Variants in ANO9 observed in about 807,000 individuals in gnomAD.
ANO9 encodes the protein anoctamin 9, also known as anoctamin-9.
ANO9 carries 80 observed loss-of-function variants against 100.5 expected under a neutral mutation model. The observed-to-expected ratio is 0.80, with a 90% confidence interval of 0.66 to 0.96. The LOEUF (loss-of-function observed/expected upper bound fraction) is 0.96, where lower values mean the gene tolerates loss of function less well. Among genes scored for constraint, ANO9 ranks in the 40% least tolerant of loss-of-function variants. The probability of loss-of-function intolerance (pLI) is 0.00; values close to 1 mark genes in which losing one functional copy is unlikely to be tolerated. For missense variants in ANO9, 1,064 were observed against 1,072.7 expected, an observed-to-expected ratio of 0.99 and a Z score of 0.11; for synonymous variants, 473 against 435.6, an observed-to-expected ratio of 1.09 and a Z score of -1.07.
Position 421,925 on chromosome 11 carries a change from A to C in ANO9, c.1335-727T>G, listed in dbSNP as rs895210454. ...AATTCCTTGCAAATAAGCAAGAGAA[A>C]TATGAAGTATAAATAGTATACATTT... On this transcript the variant is annotated intron_variant, in intron 15 of 22. Coordinates refer to ENST00000332826, the MANE Select transcript of ANO9 (RefSeq NM_001012302.3). The surrounding 1 kb of genome is among the most constrained non-coding windows in gnomAD (Gnocchi z 6.8). Among the ~76,000 whole-genome samples the C allele has an allele frequency of 3.3e-5, 5 of 152,362 alleles. No individual in the cohort carries two copies. Among genetic ancestry groups the C allele is most frequent in the Admixed American group, 3.3e-4 (5 of 15,294 alleles).
chr11:433,532 C>A (rs7395790), intron 3 of ANO9, 73 bp from the exon 4 acceptor site: 79 of 1,577,286 alleles, frequency 5.0e-5, no homozygotes, highest in Middle Eastern at 3.8e-4. Context: ...ACCCTCCCCC[C>A]TCTATTCCAC....
At chr11:431,473 G>A in intron 7 of ANO9, among the ~76,000 whole-genome samples, 1 of 71,950 alleles carries the variant, frequency 1.4e-5, no homozygotes, top group Non-Finnish European at 2.6e-5. Context: ...GGGTATCTGG[G>A]GGCGTCTGCA....
rs761941620 is a variant in ANO9 at position 433,316 on chromosome 11, CGTG to C, written c.345_347del (p.Thr116del). On this transcript the variant is annotated inframe_deletion, in exon 4 of 23. Coordinates refer to ENST00000332826, the MANE Select transcript of ANO9 (RefSeq NM_001012302.3). ...CGGCTCTGGGTGCAGCCTCTCACCT[CGTG>C]GTGACCGGGATGGTGGTCGGCGCGG... 1.1e-4 allele frequency: 185 copies of C among 1,611,958 alleles called. 2 individuals are homozygous for C. In the South Asian group the frequency reaches 2.0e-3, roughly 17 times the overall value.
At position 442,010 on chromosome 11, in the gene ANO9, G is replaced by T. The variant is rs1048791525; in HGVS notation, c.-84C>A. On this transcript the variant is annotated 5_prime_UTR_variant, in exon 1 of 23. Coordinates refer to ENST00000332826, the MANE Select transcript of ANO9 (RefSeq NM_001012302.3). ...GCGGGTGCTCCTACCTGACTTCCGC[G>T]TGGGGCTCGCCCCTCCCTCCTCCTC... 4.5e-6 allele frequency: 7 copies of T among 1,554,334 alleles called. No individual in the cohort carries two copies. The East Asian group carries it at 1.1e-4, about 26-fold the overall frequency.
intron 3 of ANO9, 67 bp downstream of exon 3, chr11:433,748 G>A: frequency 1.4e-6 from 2 of 1,466,496 alleles, no homozygotes; most frequent in Non-Finnish European, 1.8e-6. Flanking sequence ...CCAGCCCCAT[G>A]GCCCTGCCCC....
chr11:419,607 G>A lies in ANO9; in HGVS notation c.1909C>T (p.Leu637=), dbSNP rs775397769. 3.1e-6 allele frequency: 5 copies of A among 1,613,476 alleles called. No homozygotes were observed. Among genetic ancestry groups the A allele is most frequent in the Non-Finnish European group, 4.2e-6 (5 of 1,179,860 alleles). The part of the protein sequence containing the change: ...VVYKYRYSPC[L]KEGNSTVDCL... ...TCGACAGTAGAGTTGCCTTCTTTCA[G>A]GCATGGGCTATAGCGGTACTTGTAG... Residue 637 remains leucine (L), a synonymous_variant, in exon 20 of 23, where the codon CTG becomes TTG. Coordinates refer to ENST00000332826, the MANE Select transcript of ANO9 (RefSeq NM_001012302.3).
Position 430,419 on chromosome 11 carries a change from G to A in ANO9, c.540-16C>T. 7.1e-7 allele frequency: 1 copy of A among 1,400,396 alleles called. No homozygotes were observed. Among genetic ancestry groups the A allele is most frequent in the African/African-American group, 1.7e-5 (1 of 59,234 alleles). 86.7% of individuals were successfully genotyped at this position (1,400,396 alleles called of 1,614,324 possible). A position where few individuals can be genotyped will look rare whatever the true frequency, so the allele number is the denominator to read the frequency against. The stretch of plus-strand genomic sequence containing the variant: ...AAAGTAGTTCCTGCAGGCAGCAGGG[G>A]TCAAGGCCAGCTGTCAGGGGGCGGT... On this transcript the variant is annotated splice_polypyrimidine_tract_variant and intron_variant, in intron 7 of 22. Coordinates refer to ENST00000332826, the MANE Select transcript of ANO9 (RefSeq NM_001012302.3).
intron 19 of ANO9, chr11:420,131 C>G (rs1848082785): frequency 2.2e-6 from 3 of 1,333,502 alleles, no homozygotes; most frequent in Non-Finnish European, 2.9e-6. Context: ...GCTGCCTGTC[C>G]GTCTCAGCGT....
chr11:419,579 T>A lies in ANO9; in HGVS notation c.1934+3A>T. 1 of 1,613,180 alleles carries A rather than the reference T, an allele frequency of 6.2e-7. No individual in the cohort carries two copies. The highest frequency in any genetic ancestry group is 1.3e-5 in the African/African-American group (1 of 75,036). On this transcript the variant is annotated splice_donor_region_variant and intron_variant, in intron 20 of 22. Coordinates refer to ENST00000332826, the MANE Select transcript of ANO9 (RefSeq NM_001012302.3). ...GGGGTCTCCAGACACCCTGAGGCCT[T>A]ACTCGACAGTAGAGTTGCCTTCTTT...
chr11:425,674 A>G (rs1229599282), intron 15 of ANO9, among the ~76,000 whole-genome samples: 1 of 150,386 alleles, frequency 6.6e-6, no homozygotes, highest in Non-Finnish European at 1.5e-5. Flanking sequence ...ATCAGTAAAT[A>G]TCTGGAAAGA....
At position 433,797 on chromosome 11, in the gene ANO9, C is replaced by T. The variant is rs759335935; in HGVS notation, c.204+18G>A. The T allele has an allele frequency of 2.1e-5, 32 of 1,551,824 alleles. No homozygotes were observed. Among genetic ancestry groups the T allele is most frequent in the Middle Eastern group, 1.7e-4 (1 of 6,000 alleles). ...GCCCCGGCCCCATGGCCCTGCCCCTCGCTGGGCACCCGCCCACCTTAATGT... is the reference window on the plus strand; with the variant it reads ...GCCCCGGCCCCATGGCCCTGCCCCTTGCTGGGCACCCGCCCACCTTAATGT... On this transcript the variant is annotated intron_variant, in intron 3 of 22. Coordinates refer to ENST00000332826, the MANE Select transcript of ANO9 (RefSeq NM_001012302.3).
At position 433,878 on chromosome 11, in the gene ANO9, G is replaced by A. The variant is rs761932258; in HGVS notation, c.141C>T (p.Asp47=). The change falls in exon 3 of 23, where the codon GAC becomes GAT. Residue 47 remains aspartate, a synonymous_variant. Coordinates refer to ENST00000332826, the MANE Select transcript of ANO9 (RefSeq NM_001012302.3). Reference sequence around the variant, plus strand: ...ACTGTTGCTGCCGCGCCTGCCGGGGGTCTCTCTGGGTGTGACGTTGGGCCA... The same window carrying A: ...ACTGTTGCTGCCGCGCCTGCCGGGGATCTCTCTGGGTGTGACGTTGGGCCA... ...VLVAQRHTQR[D]PRQARQQQFL... is the part of the protein sequence containing the mutation. The A allele has an allele frequency of 6.0e-5, 94 of 1,563,480 alleles. No homozygotes were observed. The highest frequency in any genetic ancestry group is 7.5e-5 in the Non-Finnish European group (87 of 1,154,052).
Position 430,349 on chromosome 11 carries a change from G to A in ANO9, c.594C>T (p.Thr198=). 1 of 1,609,834 alleles carries A rather than the reference G, an allele frequency of 6.2e-7. No homozygotes were observed. The highest frequency in any genetic ancestry group is 1.1e-5 in the South Asian group (1 of 90,802). ...ALYFVWLGWY[T]YMLVPAALTG... Reference sequence around the variant, plus strand: ...TCAGGGCGGCCGGCACCAGCATGTAGGTGTACCAGCCCAGCCAGACGAAGT... The same window carrying A: ...TCAGGGCGGCCGGCACCAGCATGTAAGTGTACCAGCCCAGCCAGACGAAGT... Residue 198 remains threonine (T), a synonymous_variant, in exon 8 of 23, where the codon ACC becomes ACT. Coordinates refer to ENST00000332826, the MANE Select transcript of ANO9 (RefSeq NM_001012302.3).
At chr11:436,090 A>C in intron 1 of ANO9, among the ~76,000 whole-genome samples, 1 of 105,302 alleles carries the variant, frequency 9.5e-6, no homozygotes, top group Admixed American at 1.2e-4. Context: ...TTTTTGAGAC[A>C]GAGTTTTCCT....
intron 15 of ANO9, among the ~76,000 whole-genome samples, chr11:423,406 T>A (rs898949071): frequency 1.3e-5 from 2 of 152,156 alleles, no homozygotes; most frequent in Non-Finnish European, 2.9e-5. Context: ...GGATGGTTAG[T>A]CAATCAATGG....
chr11:428,351 C>T lies in ANO9; in HGVS notation c.1222+7G>A. The T allele has an allele frequency of 6.2e-7, 1 of 1,612,488 alleles. No homozygotes were observed. The highest frequency in any genetic ancestry group is 8.5e-7 in the Non-Finnish European group (1 of 1,179,930). On this transcript the variant is annotated splice_region_variant and intron_variant, in intron 14 of 22. Coordinates refer to ENST00000332826, the MANE Select transcript of ANO9 (RefSeq NM_001012302.3). Reference sequence around the variant, plus strand: ...TCCCCCAAGAGGGTCTGGGGTAGTCCTCTCACCGAAGTCACAAAGCTTCAG... The same window carrying T: ...TCCCCCAAGAGGGTCTGGGGTAGTCTTCTCACCGAAGTCACAAAGCTTCAG...
intron 1 of ANO9, among the ~76,000 whole-genome samples, chr11:439,162 C>T (rs1261412069): frequency 6.6e-6 from 1 of 152,260 alleles, no homozygotes; most frequent in East Asian, 1.9e-4. Flanking sequence ...TGTTCTCCCC[C>T]ATCCTTCCTG....
chr11:420,623 G>T lies in ANO9; in HGVS notation c.1634-8C>A. On this transcript the variant is annotated splice_region_variant and splice_polypyrimidine_tract_variant and intron_variant, in intron 18 of 22. Transcript: ENST00000332826. ...TGAAGCCGTACTGGATCACTGCGCG[G>T]TGGGGGTCAGGCTCACCGGCGCCCC... The T allele has an allele frequency of 6.2e-7, 1 of 1,604,354 alleles. No individual in the cohort carries two copies. Among genetic ancestry groups the T allele is most frequent in the Non-Finnish European group, 8.5e-7 (1 of 1,179,016 alleles).
In ANO9 at chr11:438,385, C is replaced by G. The variant is rs1179939018; in HGVS notation, c.6+3536G>C. Among the ~76,000 whole-genome samples the G allele has an allele frequency of 9.1e-5, 9 of 98,440 alleles. No homozygotes were observed. The Admixed American group carries it at 1.0e-3, about 11-fold the overall frequency. 64.6% of individuals were successfully genotyped at this position (98,440 alleles called of 152,430 possible). ...AACACACACAGCCAGACAGGTGTAG[C>G]CCCCCCCCGACTCACACAGCCAGAT... On this transcript the variant is annotated intron_variant, in intron 1 of 22. Coordinates refer to ENST00000332826, the MANE Select transcript of ANO9 (RefSeq NM_001012302.3).
Sources: gnomAD v4.1 joint callset for allele counts (sites outside exome capture counted in the v4.1 genomes callset) on GRCh38, gnomAD v4.1.1 for gene constraint, Gnocchi (gnomAD v3.1) non-coding constraint, MANE v1.5 for transcripts, NCBI Gene and HGNC (gene_info 2026-07-23, HGNC 2026-07-21) for gene names.